The following PCDH7 variants were observed in gnomAD, a reference collection of about 807,000 sequenced individuals.
The protein encoded by PCDH7 is protocadherin-7.
In PCDH7, 17 loss-of-function variants were observed where a neutral mutation model predicts 58.9. That is an observed-to-expected ratio of 0.29 (90% CI 0.20 to 0.43). PCDH7 has a LOEUF of 0.43. Ranked by LOEUF, PCDH7 falls within the 20% of genes least tolerant of loss-of-function variation. The probability of loss-of-function intolerance (pLI) is 1.00; values close to 1 mark genes in which losing one functional copy is unlikely to be tolerated. For missense variants in PCDH7, 1,274 were observed against 1,441.0 expected, an observed-to-expected ratio of 0.88 and a Z score of 1.88; for synonymous variants, 664 against 616.4, an observed-to-expected ratio of 1.08 and a Z score of -1.14.
chr4:31,124,028 A>G (rs1717996214), intron 3 of PCDH7, among the ~76,000 whole-genome samples: 1 of 151,474 alleles, frequency 6.6e-6, no homozygotes, highest in African/African-American at 2.4e-5. Context: ...CTGCCAGTGG[A>G]GCTTGGGGTT....
rs74547470 is a variant in PCDH7, at chr4:30,757,823, G to T, written c.70+33227G>T. Among the ~76,000 whole-genome samples, 72 of 152,288 alleles carry T rather than the reference G, an allele frequency of 4.7e-4. 3 individuals carry two copies. In the East Asian group the frequency reaches 0.014, roughly 29 times the overall value. ...CTGAATACCCAACGTTGCATACATA[G>T]TAGGCTCTCAATAAAAGCTTGTAGA... On this transcript the variant is annotated intron_variant, in intron 1 of 3. Coordinates refer to the PCDH7 transcript ENST00000509759.
chr4:31,140,694 T>A (rs986595576), intron 3 of PCDH7, among the ~76,000 whole-genome samples: 1 of 151,742 alleles, frequency 6.6e-6, no homozygotes, highest in African/African-American at 2.4e-5. Context: ...TTAAACCAAC[T>A]AGATTACAAA....
chr4:30,822,188 A>C (rs1168881474), intron 1 of PCDH7, among the ~76,000 whole-genome samples: 1 of 152,140 alleles, frequency 6.6e-6, no homozygotes, highest in Non-Finnish European at 1.5e-5. Context: ...CTCCCATCCT[A>C]AGCAAATTCA....
intron 3 of PCDH7, among the ~76,000 whole-genome samples, chr4:31,064,943 A>G (rs1465368082): frequency 6.6e-6 from 1 of 152,014 alleles, no homozygotes; most frequent in African/African-American, 2.4e-5. Context: ...CATATTGTAA[A>G]TAACTTCCAT....
intron 1 of PCDH7, among the ~76,000 whole-genome samples, chr4:30,765,124 G>GTTTTTTTTTTTTTTT (rs1242502475): frequency 2.8e-5 from 1 of 36,028 alleles, no homozygotes; most frequent in African/African-American, 7.8e-5. Flanking sequence ...GACTTCAGAT[G>GTTTTTTTTTTTTTTT]CTTTTTTTTT....
At chr4:30,724,671 G>T in intron 1 of PCDH7, 75 bp downstream of exon 1, 1 of 1,503,664 alleles carries the variant, frequency 6.7e-7, no homozygotes, top group Non-Finnish European at 8.9e-7. Context: ...CTTCTGTAAA[G>T]TTTTGTCTTC....
chr4:31,004,635 G>A (rs975626431), intron 3 of PCDH7, among the ~76,000 whole-genome samples: 1 of 152,038 alleles, frequency 6.6e-6, no homozygotes, highest in Non-Finnish European at 1.5e-5. Flanking sequence ...GCAGTGAGCC[G>A]AGATCCCGAC....
intron 1 of PCDH7, among the ~76,000 whole-genome samples, chr4:30,861,925 G>T (rs1022839128): frequency 6.6e-6 from 1 of 152,010 alleles, no homozygotes; most frequent in African/African-American, 2.4e-5. Flanking sequence ...GCCCTCATTA[G>T]TTTCAAATTA....
chr4:31,078,742 C>T, intron 3 of PCDH7, among the ~76,000 whole-genome samples: 1 of 144,188 alleles, frequency 6.9e-6, no homozygotes, highest in East Asian at 2.1e-4. Context: ...ATTACAAGTC[C>T]AAAAGTTGGC....
intron 3 of PCDH7, among the ~76,000 whole-genome samples, chr4:31,105,049 G>A (rs1715375943): frequency 6.6e-6 from 1 of 152,244 alleles, no homozygotes; most frequent in East Asian, 1.9e-4. Flanking sequence ...GCTTCATTTT[G>A]ACCCAAAGGA....
chr4:30,723,923 T>C lies in PCDH7; in HGVS notation c.2501T>C (p.Leu834Pro). 6.2e-7 allele frequency: 1 copy of C among 1,614,106 alleles called. No homozygotes were observed. Among genetic ancestry groups the C allele is most frequent in the Non-Finnish European group, 8.5e-7 (1 of 1,180,026 alleles). Residue 834 changes from leucine (L) to proline (P), a missense_variant, in exon 1 of 2, where the codon CTG becomes CCG. By Grantham distance (98) the Leu-to-Pro change is moderately conservative. Coordinates refer to ENST00000361762, the Ensembl canonical transcript of PCDH7. The surrounding 1 kb of genome is among the most constrained non-coding windows in gnomAD (Gnocchi z 4.6). The stretch of plus-strand genomic sequence containing the variant: ...CAGCCTTCCCAGTCCACCACGACTC[T>C]GGTGCACGTGTTTGTCAATGAAAGT...
chr4:31,093,279 T>C (rs1170003489), intron 3 of PCDH7, among the ~76,000 whole-genome samples: 1 of 152,160 alleles, frequency 6.6e-6, no homozygotes, highest in Non-Finnish European at 1.5e-5. Context: ...TATTTCATTA[T>C]AGTTTAAGGG....
chr4:30,883,484 C>T (rs567255734), intron 1 of PCDH7, among the ~76,000 whole-genome samples: 17 of 152,200 alleles, frequency 1.1e-4, no homozygotes, highest in Admixed American at 4.6e-4. Context: ...ACGAATGTAA[C>T]GTGGTACTTA....
chr4:31,142,629 G>A (rs753415822), exon 4 of PCDH7: 19 of 1,367,634 alleles, frequency 1.4e-5, no homozygotes, highest in Admixed American at 7.6e-5. Flanking sequence ...GTTGATGAAC[G>A]AGGAAGCCAG....
intron 1 of PCDH7, among the ~76,000 whole-genome samples, chr4:30,769,632 T>C (rs1721161037): frequency 6.6e-6 from 1 of 152,220 alleles, no homozygotes; most frequent in Non-Finnish European, 1.5e-5. Context: ...TCTATACTAT[T>C]TTGAGGATCT....
At chr4:30,739,622 AC>A (rs1389876291) in intron 1 of PCDH7, among the ~76,000 whole-genome samples, 1 of 152,170 alleles carries the variant, frequency 6.6e-6, no homozygotes, top group African/African-American at 2.4e-5. Flanking sequence ...TTACTCTGTT[AC>A]TAAAACTTGA....
At position 30,723,768 on chromosome 4, in the gene PCDH7, C is replaced by T; in HGVS notation, c.2346C>T (p.Ser782=). 3.1e-6 allele frequency: 5 copies of T among 1,614,146 alleles called. No homozygotes were observed. The highest frequency in any genetic ancestry group is 4.2e-6 in the Non-Finnish European group (5 of 1,180,024). Residue 782 remains serine (S), a synonymous_variant, in exon 1 of 2, where the codon AGC becomes AGT. Transcript: ENST00000361762. The surrounding 1 kb of genome is among the most constrained non-coding windows in gnomAD (Gnocchi z 4.6). ...GCATCAATGCAGACCTGAACTACAG[C>T]ATTGTGGGAGGAAATCCCTTCAAGC...
intron 3 of PCDH7, among the ~76,000 whole-genome samples, chr4:30,970,671 T>G (rs937721217): frequency 6.6e-6 from 1 of 152,190 alleles, no homozygotes; most frequent in Non-Finnish European, 1.5e-5. Context: ...AAAGGTTTTT[T>G]TTTGTTTGTT....
At chr4:31,043,868 A>C (rs1756080853) in intron 3 of PCDH7, among the ~76,000 whole-genome samples, 1 of 152,146 alleles carries the variant, frequency 6.6e-6, no homozygotes, top group African/African-American at 2.4e-5. Flanking sequence ...TTTACAAAGG[A>C]GATCACTGTA....
Sources: allele counts gnomAD v4.1 joint callset (sites outside exome capture counted in the v4.1 genomes callset), GRCh38; gene constraint gnomAD v4.1.1; non-coding constraint Gnocchi (gnomAD v3.1); transcripts MANE v1.5; gene names NCBI Gene and HGNC (gene_info 2026-07-23, HGNC 2026-07-21).